The following ADAM12 variants were observed in gnomAD, a reference collection of about 807,000 sequenced individuals.
ADAM12 encodes disintegrin and metalloproteinase domain-containing protein 12.
In ADAM12, 70 loss-of-function variants were observed where a neutral mutation model predicts 106.4. The ratio of observed to expected loss-of-function variants is 0.66; its 90% confidence interval spans 0.54 to 0.80. The LOEUF (loss-of-function observed/expected upper bound fraction) is 0.80, where lower values mean the gene tolerates loss of function less well. ADAM12 is among the 30% of genes least tolerant of loss of function. The pLI is 0.00. For missense variants in ADAM12, 1,010 were observed against 1,171.9 expected (o/e 0.86, Z 2.02); for synonymous variants, 420 against 433.5 (o/e 0.97, Z 0.39).
chr10:126,158,804 C>T (rs1956877289), intron 3 of ADAM12, among the ~76,000 whole-genome samples: 1 of 136,242 alleles, frequency 7.3e-6, no homozygotes, highest in Middle Eastern at 5.1e-3. Flanking sequence ...ATGCACACAG[C>T]ACGGTGGGGA....
intron 14 of ADAM12, among the ~76,000 whole-genome samples, chr10:126,051,588 T>TCCAGCCAGCCAGCCAGCCAG (rs199619555): frequency 7.9e-4 from 98 of 124,372 alleles, no homozygotes; most frequent in South Asian, 2.0e-3. Context: ...CATCCATCCA[T>TCCAGCCAGCCAGCCAGCCAG]CCAGCCAGCC....
chr10:126,042,445 A>G (rs1590324955), intron 18 of ADAM12, among the ~76,000 whole-genome samples: 1 of 152,186 alleles, frequency 6.6e-6, no homozygotes, highest in South Asian at 2.1e-4. Context: ...TAGGCAAATT[A>G]CTTAACTTCC....
intron 11 of ADAM12, among the ~76,000 whole-genome samples, chr10:126,086,680 A>AAAAAAATATAG (rs1554966976): frequency 4.1e-5 from 1 of 24,274 alleles, no homozygotes. Context: ...AAAAAAAAAA[A>AAAAAAATATAG]ATATATATAT....
intron 3 of ADAM12, among the ~76,000 whole-genome samples, chr10:126,277,729 C>T (rs1451690596): frequency 6.6e-6 from 1 of 152,084 alleles, no homozygotes; most frequent in Non-Finnish European, 1.5e-5. Flanking sequence ...GCTAAAAACA[C>T]CTCATTTCTT....
intron 11 of ADAM12, among the ~76,000 whole-genome samples, chr10:126,077,948 C>T (rs1264715536): frequency 6.6e-6 from 1 of 152,004 alleles, no homozygotes; most frequent in African/African-American, 2.4e-5. Flanking sequence ...CCAATGACTG[C>T]CCCCCAATAC....
intron 4 of ADAM12, among the ~76,000 whole-genome samples, chr10:126,150,568 C>T (rs1380218969): frequency 2.0e-5 from 3 of 152,090 alleles, no homozygotes; most frequent in Non-Finnish European, 2.9e-5. Context: ...TGACACCTCC[C>T]CCACCCTCTA....
chr10:126,083,665 A>C (rs1045994225), intron 11 of ADAM12, among the ~76,000 whole-genome samples: 3 of 152,206 alleles, frequency 2.0e-5, no homozygotes, highest in African/African-American at 7.2e-5. Context: ...CAGATCGTGC[A>C]CACCTGAGGA....
rs778018920 is a variant in ADAM12, at chr10:126,272,350, C to T, written c.260+6565G>A. Reference sequence around the variant, plus strand: ...GATAATTAATATGACAGATGATAATCATTAAAGATGGCAGATTAGGCCAAT... The same window carrying T: ...GATAATTAATATGACAGATGATAATTATTAAAGATGGCAGATTAGGCCAAT... On this transcript the variant is annotated intron_variant, in intron 3 of 22. Transcript: ENST00000448723. Among the ~76,000 whole-genome samples the T allele has an allele frequency of 4.3e-4, 66 of 152,290 alleles. 1 individual carries two copies. The highest frequency in any genetic ancestry group is 7.2e-4 in the Admixed American group (11 of 15,306).
rs540542792 is a variant in ADAM12 at position 126,039,665 on chromosome 10, C to T, written c.2105-236G>A. Among the ~76,000 whole-genome samples the T allele has an allele frequency of 4.6e-5, 7 of 152,266 alleles. No homozygotes were observed. In the South Asian group the frequency reaches 8.3e-4, roughly 18 times the overall value. ...AACTTGCTAAACAGGAATATATAGTCGGGTAGGTGGGGTGATGGTCTGGAC... is the reference window on the plus strand; with the variant it reads ...AACTTGCTAAACAGGAATATATAGTTGGGTAGGTGGGGTGATGGTCTGGAC... On this transcript the variant is annotated intron_variant, in intron 18 of 22. Coordinates refer to ENST00000448723, the MANE Select transcript of ADAM12 (RefSeq NM_001288973.2).
At chr10:126,263,361 G>C (rs1168476622) in intron 3 of ADAM12, among the ~76,000 whole-genome samples, 1 of 152,164 alleles carries the variant, frequency 6.6e-6, no homozygotes, top group African/African-American at 2.4e-5. Flanking sequence ...CAGGACCAGA[G>C]AGGTTACTTA....
At chr10:126,181,374 C>T (rs893907944) in intron 3 of ADAM12, among the ~76,000 whole-genome samples, 1 of 152,162 alleles carries the variant, frequency 6.6e-6, no homozygotes, top group Non-Finnish European at 1.5e-5. Context: ...GCCAAGCCTA[C>T]ACAGGGATTT....
intron 11 of ADAM12, among the ~76,000 whole-genome samples, chr10:126,074,878 G>C (rs146402970): frequency 4.6e-5 from 7 of 152,258 alleles, no homozygotes; most frequent in Non-Finnish European, 8.8e-5. Context: ...TTTCCACATG[G>C]CCTGAGCTCA....
intron 2 of ADAM12, among the ~76,000 whole-genome samples, chr10:126,305,166 T>C (rs991823567): frequency 6.6e-6 from 1 of 151,674 alleles, no homozygotes; most frequent in Non-Finnish European, 1.5e-5. Context: ...TTACACAGAG[T>C]TAATTATAAC....
intron 2 of ADAM12, among the ~76,000 whole-genome samples, chr10:126,284,302 C>T (rs969998455): frequency 7.3e-6 from 1 of 136,106 alleles, no homozygotes; most frequent in Non-Finnish European, 1.5e-5. Flanking sequence ...CACTGCACTC[C>T]AGCCTGGATG....
intron 19 of ADAM12, 32 bp from the exon 20 acceptor site, chr10:126,038,381 C>A (rs779623883): frequency 4.0e-6 from 6 of 1,491,466 alleles, no homozygotes; most frequent in Non-Finnish European, 5.4e-6. Context: ...GCTGACCAAG[C>A]GTGTTTCCCC....
At chr10:126,038,123 G>A in intron 20 of ADAM12, 118 bp downstream of exon 20, 3 of 980,452 alleles carry the variant, frequency 3.1e-6, no homozygotes, top group Admixed American at 2.0e-5. Context: ...CTGACCTAGT[G>A]AGGCTGACTC....
intron 11 of ADAM12, among the ~76,000 whole-genome samples, chr10:126,084,762 C>T (rs1183976892): frequency 2.0e-5 from 3 of 152,162 alleles, no homozygotes; most frequent in African/African-American, 7.2e-5. Flanking sequence ...TCCCTCTCAA[C>T]CCTCCCCATC....
intron 3 of ADAM12, among the ~76,000 whole-genome samples, chr10:126,200,335 G>A (rs188886477): frequency 1.3e-4 from 20 of 152,256 alleles, no homozygotes; most frequent in Admixed American, 1.2e-3. Context: ...CCCCAAACAC[G>A]ATCAGATGCC....
At chr10:126,109,496 C>G (rs1459631556) in intron 7 of ADAM12, among the ~76,000 whole-genome samples, 2 of 152,188 alleles carry the variant, frequency 1.3e-5, no homozygotes, top group Non-Finnish European at 2.9e-5. Flanking sequence ...CTAAAGCCTT[C>G]TGTCATTCCT....
Sources: allele counts gnomAD v4.1 joint callset (sites outside exome capture counted in the v4.1 genomes callset), GRCh38; gene constraint gnomAD v4.1.1; transcripts MANE v1.5; gene names NCBI Gene and HGNC (gene_info 2026-07-23, HGNC 2026-07-21).